Variants in SCNN1A observed in about 807,000 individuals in gnomAD.
The protein encoded by SCNN1A is sodium channel epithelial 1 subunit alpha.
In SCNN1A, 65 loss-of-function variants were observed where a neutral mutation model predicts 68.6. The ratio of observed to expected loss-of-function variants is 0.95; its 90% CI spans 0.78 to 1.16. The LOEUF is 1.16. Among genes scored for constraint, SCNN1A ranks in the 50% most tolerant of loss-of-function variants. The pLI is 0.00. For synonymous variants in SCNN1A, 357 were observed against 353.3 expected (o/e 1.01, Z -0.12); for missense variants, 880 against 865.9 (o/e 1.02, Z -0.20).
intron 8 of SCNN1A, chr12:6,353,756 A>AT (rs1361816597): frequency 7.5e-5 from 9 of 120,280 alleles, no homozygotes; most frequent in Admixed American, 1.7e-4. Context: ...CGCCCGGCTA[A>AT]TTTTTTGTAT....
At chr12:6,375,638 G>T, upstream of SCNN1A, 2 of 1,488,934 alleles carry the variant, frequency 1.3e-6, no homozygotes, top group Non-Finnish European at 1.8e-6. Context: ...TCAGAGCCGG[G>T]AGTTTTCCGA....
intron 2 of SCNN1A, among the ~76,000 whole-genome samples, chr12:6,370,807 C>T (rs1399459061): frequency 1.3e-5 from 2 of 152,238 alleles, no homozygotes; most frequent in African/African-American, 2.4e-5. Context: ...TCCTGGCCTC[C>T]TGCTGTGCCA....
chr12:6,362,133 C>G lies in SCNN1A; in HGVS notation c.793G>C (p.Glu265Gln), dbSNP rs1948590696. The change falls in exon 4 of 13, where the codon GAG (glutamate) becomes CAG (glutamine). Residue 265 changes from glutamate to glutamine, a missense_variant. Transcript: ENST00000228916. ...TCCTCCTCCAGGGATGGCAGAGTCT[C>G]TGGCAGCCTCGACAGGATGTTGATG... ...HYINILSRLP[E>Q]TLPSLEEDTL... 6 of 1,614,136 alleles carry G rather than the reference C, an allele frequency of 3.7e-6. No homozygotes were observed. Among genetic ancestry groups the G allele is most frequent in the Non-Finnish European group, 5.1e-6 (6 of 1,180,056 alleles).
intron 4 of SCNN1A, among the ~76,000 whole-genome samples, chr12:6,361,740 T>A (rs1471716712): frequency 6.6e-6 from 1 of 151,506 alleles, no homozygotes; most frequent in African/African-American, 2.4e-5. Flanking sequence ...CAAAACTCCA[T>A]CTCAAAAAAA....
At chr12:6,377,146 AG>A, upstream of SCNN1A, 1 of 863,148 alleles carries the variant, frequency 1.2e-6, no homozygotes. Context: ...CTCCAGGCTC[AG>A]GGTCCAACCT....
At position 6,362,515 on chromosome 12, in the gene SCNN1A, G is replaced by A. The variant is rs542709945; in HGVS notation, c.685-274C>T. On this transcript the variant is annotated intron_variant, in intron 3 of 12. Coordinates refer to ENST00000228916, the MANE Select transcript of SCNN1A (RefSeq NM_001038.6). ...CATTTATACCTCCCCTGCCTAGGGT[G>A]GAAGGAGCAAGACTTTCCCTCCCAT... Among the ~76,000 whole-genome samples, 4 of 152,214 alleles carry A rather than the reference G, an allele frequency of 2.6e-5. No homozygotes were observed. In the East Asian group the frequency reaches 5.8e-4, roughly 22 times the overall value.
chr12:6,355,366 C>T lies in SCNN1A; in HGVS notation c.1049G>A (p.Arg350Gln), dbSNP rs534158738. The part of the protein sequence containing the change: ...IPLLSTVTGA[R>Q]VMVHGQDEPA... ...TTCATCCTGCCCGTGCACCATTACC[C>T]GGGCCCCAGTCACTGTGGACAGCAG... is the stretch of plus-strand genomic sequence containing the variant. Residue 350 changes from arginine to glutamine, a missense_variant, in exon 6 of 13, where the codon CGG (arginine) becomes CAG (glutamine). Around this residue, in one of 3 missense-constraint regions of SCNN1A, gnomAD observed 758 missense variants for 721.8 expected, o/e 1.05. Coordinates refer to ENST00000228916, the MANE Select transcript of SCNN1A (RefSeq NM_001038.6). 2.5e-5 allele frequency: 40 copies of T among 1,613,966 alleles called. No individual in the cohort carries two copies. The East Asian group carries it at 4.5e-4, about 18-fold the overall frequency.
rs766160514 is a variant in SCNN1A, at chr12:6,363,445, G to A, written c.682C>T (p.Leu228=). Residue 228 remains leucine, a splice_region_variant and synonymous_variant, in exon 3 of 13, where the codon CTG becomes TTG. Coordinates refer to ENST00000228916, the MANE Select transcript of SCNN1A (RefSeq NM_001038.6). ...CCCCTCGGCGCTGCGGGCCTCACCA[G>A]CTGGAAGCCGATCTTCCAGTCCTTC... ...DWKDWKIGFQ[L]CNQNKSDCFY... 6.3e-7 allele frequency: 1 copy of A among 1,579,082 alleles called. No homozygotes were observed. Among genetic ancestry groups the A allele is most frequent in the Non-Finnish European group, 8.6e-7 (1 of 1,164,662 alleles).
In SCNN1A at chr12:6,374,952, C is replaced by A. The variant is rs1464775593; in HGVS notation, c.-54-115G>T. 1.9e-6 allele frequency: 3 copies of A among 1,575,474 alleles called. No homozygotes were observed. Among genetic ancestry groups the A allele is most frequent in the Non-Finnish European group, 1.7e-6 (2 of 1,159,954 alleles). ...GAACCCGAGTGAGGCTGCCCCTGGC[C>A]ATGCCCATGTCCCACCCTGCGCCCA... On this transcript the variant is annotated intron_variant, in intron 1 of 12. Coordinates refer to ENST00000228916, the MANE Select transcript of SCNN1A (RefSeq NM_001038.6). The surrounding 1 kb of genome is among the most constrained non-coding windows in gnomAD (Gnocchi z 6.2).
In SCNN1A at chr12:6,372,822, C is replaced by G. The variant is rs140611762; in HGVS notation, c.416+1546G>C. ...CTCTGAAATGAGGCGGAAGCCACAT[C>G]TGACTGGAAGTTTCATTCACTCAAA... On this transcript the variant is annotated intron_variant, in intron 2 of 12. Transcript: ENST00000228916. The surrounding 1 kb of genome is among the most constrained non-coding windows in gnomAD (Gnocchi z 5.8). Among the ~76,000 whole-genome samples the G allele has an allele frequency of 2.0e-5, 3 of 152,242 alleles. No individual in the cohort carries two copies. Among genetic ancestry groups the G allele is most frequent in the African/African-American group, 7.2e-5 (3 of 41,528 alleles).
intron 6 of SCNN1A, 127 bp from the exon 7 acceptor site, chr12:6,354,975 C>A (rs1948471389): frequency 2.3e-6 from 2 of 854,524 alleles, no homozygotes; most frequent in Non-Finnish European, 3.9e-6. Flanking sequence ...CCTCTCAATA[C>A]ATGCTTCCAG....
intron 12 of SCNN1A, 73 bp downstream of exon 12, chr12:6,348,654 T>G: frequency 7.6e-7 from 1 of 1,307,920 alleles, no homozygotes; most frequent in Non-Finnish European, 1.1e-6. Flanking sequence ...GACAACCTTT[T>G]GGTTTTCCCC....
At chr12:6,369,310 ACCC>A in intron 2 of SCNN1A, among the ~76,000 whole-genome samples, 1 of 135,220 alleles carries the variant, frequency 7.4e-6, no homozygotes, top group Non-Finnish European at 1.7e-5. Flanking sequence ...CCCTCCTGCC[ACCC>A]TACGCACCTC....
At chr12:6,357,582 T>C (rs1204446955) in intron 4 of SCNN1A, among the ~76,000 whole-genome samples, 4 of 150,114 alleles carry the variant, frequency 2.7e-5, no homozygotes, top group Non-Finnish European at 5.9e-5. Flanking sequence ...AGAGGTGAAA[T>C]GAGATCTATA....
chr12:6,363,351 CG>C, intron 3 of SCNN1A, 91 bp downstream of exon 3: 1 of 1,175,176 alleles, frequency 8.5e-7, no homozygotes. Context: ...CTGGGCTGCG[CG>C]GGCGGGTCAG....
chr12:6,366,106 G>C (rs904395285), intron 2 of SCNN1A, among the ~76,000 whole-genome samples: 1 of 151,864 alleles, frequency 6.6e-6, no homozygotes, highest in Non-Finnish European at 1.5e-5. Flanking sequence ...CGCCCGTCTC[G>C]GCCTCCCAAT....
chr12:6,355,698 T>A, intron 5 of SCNN1A, 79 bp downstream of exon 5: 2 of 1,049,914 alleles, frequency 1.9e-6, no homozygotes, highest in East Asian at 4.7e-5. Context: ...TCCCAGCAGC[T>A]CTAGGAGGTG....
chr12:6,376,251 C>A (rs1381645504), upstream of SCNN1A: 12 of 930,460 alleles, frequency 1.3e-5, no homozygotes, highest in South Asian at 5.0e-5. Context: ...TGATTCCTCG[C>A]CACCCCCTCC....
intron 2 of SCNN1A, among the ~76,000 whole-genome samples, chr12:6,369,047 A>G (rs1009997399): frequency 6.6e-6 from 1 of 152,116 alleles, no homozygotes; most frequent in South Asian, 2.1e-4. Flanking sequence ...CACAGGAAGA[A>G]TCCAGATCCC....
Sources: gnomAD v4.1 joint callset for allele counts (sites outside exome capture counted in the v4.1 genomes callset) on GRCh38, gnomAD v4.1.1 for gene constraint, gnomAD v4.1.1 regional missense constraint, Gnocchi (gnomAD v3.1) non-coding constraint, MANE v1.5 for transcripts, NCBI Gene and HGNC (gene_info 2026-07-23, HGNC 2026-07-21) for gene names.